CLCN1: variants seen among roughly 807,000 people sequenced by gnomAD.
CLCN1 encodes chloride channel protein 1.
Under a neutral mutation model 114.5 loss-of-function variants are expected in CLCN1, and 100 were observed. The ratio of observed to expected loss-of-function variants is 0.87; its 90% CI spans 0.74 to 1.03. The LOEUF is 1.03. Among genes scored for constraint, CLCN1 ranks in the 50% least tolerant of loss-of-function variants. CLCN1 has a pLI of 0.00. For synonymous variants in CLCN1, 485 were observed against 487.1 expected, an observed-to-expected ratio of 1.00 and a Z score of 0.06; for missense variants, 1,188 against 1,250.0, an observed-to-expected ratio of 0.95 and a Z score of 0.75.
chr7:143,331,400 G>A, intron 9 of CLCN1, 84 bp downstream of exon 9: 1 of 1,198,760 alleles, frequency 8.3e-7, no homozygotes, highest in South Asian at 1.2e-5. Context: ...CTAGAAAGAA[G>A]GTGCGGTTGG....
chr7:143,325,376 G>C (rs547404243), intron 7 of CLCN1, among the ~76,000 whole-genome samples: 6 of 152,200 alleles, frequency 3.9e-5, no homozygotes, highest in Non-Finnish European at 8.8e-5. Context: ...AAAATGACTT[G>C]GTGCAGGAAT....
In CLCN1 at chr7:143,345,747, C is replaced by A; in HGVS notation, c.2157C>A (p.Leu719=). ...AFVDEDEDED[L]SGKSELPPSL... is the part of the protein sequence containing the mutation. The stretch of plus-strand genomic sequence containing the variant: ...TGGATGAGGATGAGGACGAAGACCT[C>A]TCTGGCAAGAGCGAGGTGACCGCGC... Residue 719 remains leucine, a synonymous_variant, in exon 17 of 23, where the codon CTC becomes CTA. Coordinates refer to ENST00000343257, the MANE Select transcript of CLCN1 (RefSeq NM_000083.3). The A allele has an allele frequency of 6.2e-7, 1 of 1,603,524 alleles. No individual in the cohort carries two copies. The highest frequency in any genetic ancestry group is 1.1e-5 in the South Asian group (1 of 88,914).
At chr7:143,340,110 C>A (rs1161762755) in intron 14 of CLCN1, among the ~76,000 whole-genome samples, 2 of 152,182 alleles carry the variant, frequency 1.3e-5, no homozygotes, top group African/African-American at 4.8e-5. Context: ...TTTCTTTATT[C>A]TAAAATGACT....
chr7:143,336,000 C>G (rs974807176), intron 12 of CLCN1, among the ~76,000 whole-genome samples: 1 of 152,088 alleles, frequency 6.6e-6, no homozygotes, highest in Non-Finnish European at 1.5e-5. Context: ...GAACTTCCAT[C>G]TTCCTTAATC....
In CLCN1 at chr7:143,339,148, C is replaced by A; in HGVS notation, c.1402-105C>A. ...ACAAAGTGACTTTCAGAAGGATCAG[C>A]TATCCCAGGATTTCTGCAGAAAGGA... On this transcript the variant is annotated intron_variant, in intron 12 of 22. Transcript: ENST00000343257. This position sits in a 1 kb window ranked among gnomAD's most constrained non-coding sequence, Gnocchi z 4.1. 1 of 832,622 alleles carries A rather than the reference C, an allele frequency of 1.2e-6. No individual in the cohort carries two copies. The highest frequency in any genetic ancestry group is 2.1e-6 in the Non-Finnish European group (1 of 468,988). The allele number at this position is 832,622 out of a possible 1,614,324, so 51.6% of individuals were successfully genotyped here. A position where few individuals can be genotyped will look rare whatever the true frequency, so the allele number is the denominator to read the frequency against.
Position 143,335,656 on chromosome 7 carries a change from G to GTTTTTTTTTTT in CLCN1, c.1401+2787_1401+2788insTTTTTTTTTTT, listed in dbSNP as rs199928109. Among the ~76,000 whole-genome samples the GTTTTTTTTTTT allele has an allele frequency of 5.6e-5, 6 of 107,236 alleles. 2 individuals carry two copies. The highest frequency in any genetic ancestry group is 3.8e-5 in the Non-Finnish European group (2 of 53,260). The allele number at this position is 107,236 out of a possible 152,430, so 70.4% of individuals were successfully genotyped here. A position where few individuals can be genotyped will look rare whatever the true frequency, so the allele number is the denominator to read the frequency against. On this transcript the variant is annotated intron_variant, in intron 12 of 22. Transcript: ENST00000343257. ...GGCAGGTAAGATTCTCAATTCAGCT[G>GTTTTTTTTTTT]TTTTGTTTTTTTTTTTTTTTTGATT... is the stretch of plus-strand genomic sequence containing the variant.
At chr7:143,340,461 CT>C (rs1395600893) in intron 14 of CLCN1, among the ~76,000 whole-genome samples, 1 of 152,122 alleles carries the variant, frequency 6.6e-6, no homozygotes, top group African/African-American at 2.4e-5. Context: ...CTATATTTCC[CT>C]TCTGTGATGC....
chr7:143,321,478 T>G lies in CLCN1; in HGVS notation c.547T>G (p.Ser183Ala). Residue 183 changes from serine (S) to alanine (A), a missense_variant, in exon 4 of 23, where the codon TCT becomes GCT. By Grantham distance (99) the Ser-to-Ala change is moderately conservative. Coordinates refer to ENST00000343257, the MANE Select transcript of CLCN1 (RefSeq NM_000083.3). The surrounding 1 kb of genome is among the most constrained non-coding windows in gnomAD (Gnocchi z 4.2). ...CAGCGCCCTCTTCTGCCACCTCATC[T>G]CTCCCCAGGCTGTTGGTGAGAACTT... is the stretch of plus-strand genomic sequence containing the variant. Reference protein sequence around the residue: ...LFSALFCHLISPQAVGSGIPE... With the variant: ...LFSALFCHLIAPQAVGSGIPE... 6.2e-7 allele frequency: 1 copy of G among 1,613,868 alleles called. No individual in the cohort carries two copies. The highest frequency in any genetic ancestry group is 8.5e-7 in the Non-Finnish European group (1 of 1,179,994).
chr7:143,338,469 C>T (rs574812548), intron 12 of CLCN1, among the ~76,000 whole-genome samples: 2 of 152,200 alleles, frequency 1.3e-5, no homozygotes, highest in East Asian at 3.9e-4. Flanking sequence ...GTCACTCAGA[C>T]TTTAAATGTC....
chr7:143,348,942 A>G (rs1803323726), intron 20 of CLCN1, among the ~76,000 whole-genome samples: 1 of 152,220 alleles, frequency 6.6e-6, no homozygotes, highest in African/African-American at 2.4e-5. Flanking sequence ...TGACTTCAAC[A>G]TGCTGTGCCT....
chr7:143,323,903 T>G, intron 6 of CLCN1: 1 of 469,040 alleles, frequency 2.1e-6, no homozygotes, highest in Admixed American at 2.3e-5. Context: ...CGGAGGCAAG[T>G]TGCACTTCCT....
At position 143,321,460 on chromosome 7, in the gene CLCN1, C is replaced by T. The variant is rs766286036; in HGVS notation, c.529C>T (p.Leu177Phe). The change falls in exon 4 of 23, where the codon CTC becomes TTC. Residue 177 changes from leucine (L) to phenylalanine (F), a missense_variant. Transcript: ENST00000343257. This position sits in a 1 kb window ranked among gnomAD's most constrained non-coding sequence, Gnocchi z 4.2. ...ACTAGTCCTCATCCTCTTCAGCGCC[C>T]TCTTCTGCCACCTCATCTCTCCCCA... is the stretch of plus-strand genomic sequence containing the variant. ...FPLVLILFSA[L>F]FCHLISPQAV... is the part of the protein sequence containing the mutation. The T allele has an allele frequency of 6.2e-7, 1 of 1,614,200 alleles. No individual in the cohort carries two copies. Among genetic ancestry groups the T allele is most frequent in the Non-Finnish European group, 8.5e-7 (1 of 1,180,026 alleles).
intron 12 of CLCN1, among the ~76,000 whole-genome samples, chr7:143,336,604 C>CAAAAAAA (rs573516521): frequency 1.0e-4 from 8 of 80,398 alleles, no homozygotes; most frequent in East Asian, 4.4e-4. Context: ...AAGACTCTGT[C>CAAAAAAA]AAAAAAAAAA....
chr7:143,316,448 G>A, intron 1 of CLCN1, 56 bp downstream of exon 1: 1 of 1,504,744 alleles, frequency 6.6e-7, no homozygotes, highest in South Asian at 1.1e-5. Flanking sequence ...AGTGGTGCCA[G>A]AGACTGGTGA....
At chr7:143,329,589 G>A (rs764339288) in intron 7 of CLCN1, among the ~76,000 whole-genome samples, 22 of 152,156 alleles carry the variant, frequency 1.4e-4, no homozygotes, top group Admixed American at 1.3e-3. Flanking sequence ...CAAGAGATGT[G>A]GCCTTTGAAT....
chr7:143,340,836 T>A (rs1172508618), intron 14 of CLCN1, among the ~76,000 whole-genome samples: 1 of 152,240 alleles, frequency 6.6e-6, no homozygotes, highest in Non-Finnish European at 1.5e-5. Context: ...CCCGGCTGAC[T>A]TTTTCTTGTT....
At chr7:143,342,888 G>T (rs1448690376) in intron 16 of CLCN1, among the ~76,000 whole-genome samples, 1 of 151,816 alleles carries the variant, frequency 6.6e-6, no homozygotes, top group Admixed American at 6.6e-5. Context: ...AGCCGAGAAC[G>T]TGTCATTGCA....
In CLCN1 at chr7:143,321,832, T is replaced by C; in HGVS notation, c.680T>C (p.Ile227Thr). Residue 227 changes from isoleucine (I) to threonine (T), a missense_variant, in exon 5 of 23, where the codon ATC becomes ACC. Transcript: ENST00000343257. The surrounding 1 kb of genome is among the most constrained non-coding windows in gnomAD (Gnocchi z 4.2). The stretch of plus-strand genomic sequence containing the variant: ...CTGACTGCGGGCCTGGGCAGTGGCA[T>C]CCCCGTGGGGAAAGAGGTAGGCCTG... ...VALTAGLGSG[I>T]PVGKEGPFVH... is the part of the protein sequence containing the mutation. 1.2e-6 allele frequency: 2 copies of C among 1,614,130 alleles called. No homozygotes were observed. Among genetic ancestry groups the C allele is most frequent in the Non-Finnish European group, 1.7e-6 (2 of 1,180,004 alleles).
intron 8 of CLCN1, 114 bp downstream of exon 8, chr7:143,331,011 T>C: frequency 6.6e-7 from 1 of 1,509,058 alleles, no homozygotes; most frequent in Non-Finnish European, 9.2e-7. Context: ...GCATCATTTG[T>C]GGGGTGGGAC....
Sources: allele counts gnomAD v4.1 joint callset (sites outside exome capture counted in the v4.1 genomes callset), GRCh38; gene constraint gnomAD v4.1.1; non-coding constraint Gnocchi (gnomAD v3.1); transcripts MANE v1.5; gene names NCBI Gene and HGNC (gene_info 2026-07-23, HGNC 2026-07-21).